The following STPG2 variants were observed in gnomAD, a reference collection of about 807,000 sequenced individuals.
The protein encoded by STPG2 is sperm-tail PG-rich repeat-containing protein 2.
Under a neutral mutation model 54.2 loss-of-function variants are expected in STPG2, and 56 were observed. The ratio of observed to expected loss-of-function variants is 1.03; its 90% CI spans 0.83 to 1.29. The LOEUF (loss-of-function observed/expected upper bound fraction) is 1.29. Among genes scored for constraint, STPG2 ranks in the 50% most tolerant of loss-of-function variants. The pLI, the probability that STPG2 is intolerant of heterozygous loss-of-function variation, is 0.00. For synonymous variants in STPG2, 200 were observed against 181.8 expected, an observed-to-expected ratio of 1.10 and a Z score of -0.81; for missense variants, 596 against 544.9, an observed-to-expected ratio of 1.09 and a Z score of -0.93.
At chr4:98,097,581 C>T (rs1236331445) in intron 5 of STPG2, among the ~76,000 whole-genome samples, 1 of 152,086 alleles carries the variant, frequency 6.6e-6, no homozygotes, top group East Asian at 1.9e-4. Context: ...CAAGGATGTC[C>T]ACTTTCACCA....
At chr4:97,958,676 A>G (rs1265107966) in intron 7 of STPG2, among the ~76,000 whole-genome samples, 1 of 152,192 alleles carries the variant, frequency 6.6e-6, no homozygotes. Flanking sequence ...AAATATCACA[A>G]TCCTAAATAT....
At chr4:98,104,147 G>T (rs185362705) in intron 5 of STPG2, among the ~76,000 whole-genome samples, 1 of 152,166 alleles carries the variant, frequency 6.6e-6, no homozygotes, top group Non-Finnish European at 1.5e-5. Flanking sequence ...CACAATCAGT[G>T]TCAGCATTTA....
chr4:98,115,457 A>G (rs2110150391), intron 3 of STPG2, among the ~76,000 whole-genome samples: 1 of 152,142 alleles, frequency 6.6e-6, no homozygotes, highest in South Asian at 2.1e-4. Flanking sequence ...ACTTTTTTGT[A>G]GAATTTCTCT....
chr4:98,066,849 G>A (rs2110104014), intron 5 of STPG2, among the ~76,000 whole-genome samples: 1 of 152,232 alleles, frequency 6.6e-6, no homozygotes, highest in South Asian at 2.1e-4. Flanking sequence ...TCGAGTGACT[G>A]CTTTATTTAT....
At chr4:97,483,315 A>G (rs997494270) in intron 4 of STPG2, among the ~76,000 whole-genome samples, 1 of 151,604 alleles carries the variant, frequency 6.6e-6, no homozygotes, top group African/African-American at 2.4e-5. Context: ...CCAACCAACT[A>G]TCTGCTGCCT....
intron 4 of STPG2, among the ~76,000 whole-genome samples, chr4:97,506,241 G>C (rs1578349889): frequency 6.6e-6 from 1 of 151,776 alleles, no homozygotes. Flanking sequence ...GTTATCTAGA[G>C]ACTCTACAAT....
intron 8 of STPG2, among the ~76,000 whole-genome samples, chr4:97,865,303 A>C (rs1047754815): frequency 6.6e-6 from 1 of 152,208 alleles, no homozygotes; most frequent in Non-Finnish European, 1.5e-5. Flanking sequence ...GACACTTCTC[A>C]AAAGAAGACA....
At chr4:97,481,914 G>C (rs563047689) in intron 4 of STPG2, among the ~76,000 whole-genome samples, 50 of 151,552 alleles carry the variant, frequency 3.3e-4, no homozygotes, top group African/African-American at 1.1e-3. Context: ...TCCTTGTCTT[G>C]CTTCTCATTT....
chr4:97,809,128 A>G (rs1335702058), intron 9 of STPG2, among the ~76,000 whole-genome samples: 2 of 152,188 alleles, frequency 1.3e-5, no homozygotes, highest in African/African-American at 4.8e-5. Context: ...TTGTTGAGTG[A>G]CATATGGAAG....
intron 10 of STPG2, among the ~76,000 whole-genome samples, chr4:97,617,826 G>A (rs1733912718): frequency 6.6e-6 from 1 of 152,058 alleles, no homozygotes; most frequent in Non-Finnish European, 1.5e-5. Flanking sequence ...GAATAATAGA[G>A]GGAGATACAT....
At chr4:97,810,351 C>T (rs1355142225) in intron 9 of STPG2, among the ~76,000 whole-genome samples, 1 of 151,670 alleles carries the variant, frequency 6.6e-6, no homozygotes, top group African/African-American at 2.4e-5. Context: ...GTAGTCCCAG[C>T]TACTCAGGAG....
intron 8 of STPG2, among the ~76,000 whole-genome samples, chr4:97,905,553 G>A (rs1269993812): frequency 1.3e-5 from 2 of 151,346 alleles, no homozygotes; most frequent in South Asian, 2.1e-4. Context: ...ATCAACTAAC[G>A]AGCAAAATAA....
At chr4:97,462,810 T>G (rs1280645862) in intron 4 of STPG2, among the ~76,000 whole-genome samples, 1 of 152,142 alleles carries the variant, frequency 6.6e-6, no homozygotes, top group African/African-American at 2.4e-5. Context: ...AAAATGTGTT[T>G]ATCAGCAGAT....
chr4:98,034,516 A>G (rs1736707158), intron 5 of STPG2, among the ~76,000 whole-genome samples: 1 of 152,174 alleles, frequency 6.6e-6, no homozygotes, highest in South Asian at 2.1e-4. Context: ...GAAAACAGCC[A>G]TCCTGCCCAA....
chr4:97,443,952 C>G (rs1246173365), intron 4 of STPG2, among the ~76,000 whole-genome samples: 1 of 152,030 alleles, frequency 6.6e-6, no homozygotes, highest in African/African-American at 2.4e-5. Flanking sequence ...TTGGCAAGAT[C>G]AAGAATCTCA....
intron 9 of STPG2, among the ~76,000 whole-genome samples, chr4:97,813,526 A>G (rs1727807766): frequency 6.6e-6 from 1 of 151,868 alleles, no homozygotes; most frequent in African/African-American, 2.4e-5. Context: ...TGACTCAACT[A>G]TTCCATGAAG....
intron 4 of STPG2, among the ~76,000 whole-genome samples, chr4:97,542,446 C>T (rs899016002): frequency 8.5e-5 from 13 of 152,200 alleles, no homozygotes; most frequent in Admixed American, 4.6e-4. Context: ...GTTAGAACTG[C>T]GATCATTAAA....
intron 8 of STPG2, among the ~76,000 whole-genome samples, chr4:97,911,782 G>A (rs1396601533): frequency 6.6e-6 from 1 of 152,112 alleles, no homozygotes; most frequent in Non-Finnish European, 1.5e-5. Context: ...GGAGAGTCTG[G>A]GCGGTCTGCA....
rs1266964606 is a variant in STPG2, at chr4:97,716,731, T to TA, written c.1205-3918dup. On this transcript the variant is annotated intron_variant, in intron 9 of 10. Transcript: ENST00000295268. The stretch of plus-strand genomic sequence containing the variant: ...GGGTGGAAGGCTAGGGGAGGGATAA[T>TA]AACATTAGGAGAAATACCTAATGTA... 6.6e-5 allele frequency among the ~76,000 whole-genome samples: 10 copies of TA among 151,592 alleles called. No individual in the cohort carries two copies. In the East Asian group the frequency reaches 2.0e-3, roughly 30 times the overall value.
Sources: allele counts gnomAD v4.1 joint callset (sites outside exome capture counted in the v4.1 genomes callset), GRCh38; gene constraint gnomAD v4.1.1; transcripts MANE v1.5; gene names NCBI Gene and HGNC (gene_info 2026-07-23, HGNC 2026-07-21).